The following NAV2 variants were observed in gnomAD, a reference collection of about 807,000 sequenced individuals.
The protein encoded by NAV2 is neuron navigator 2, also known as helicase, APC down-regulated 1.
A neutral mutation model predicts 223.2 loss-of-function variants in NAV2; 54 were observed. That is an observed-to-expected ratio of 0.24 (90% CI 0.19 to 0.30). The LOEUF is 0.30. NAV2 is among the 10% of genes least tolerant of loss of function. NAV2 has a pLI of 1.00. For synonymous variants in NAV2, 1,279 were observed against 1,239.3 expected (o/e 1.03, Z -0.67); for missense variants, 2,806 against 3,147.5 (o/e 0.89, Z 2.60).
chr11:20,046,788 C>T (rs561176971), intron 14 of NAV2, among the ~76,000 whole-genome samples: 1 of 152,210 alleles, frequency 6.6e-6, no homozygotes, highest in Admixed American at 6.5e-5. Context: ...TTTGCCTGTT[C>T]GTATTATCTT....
Position 19,519,240 on chromosome 11 carries a change from A to G in NAV2, c.75+168213A>G, listed in dbSNP as rs190071653. On this transcript the variant is annotated intron_variant, in intron 1 of 37. Transcript: ENST00000360655. ...CACCTGCCTTCTACCACCAAATACC[A>G]ACTGGGCCTCTCAGGGCAGGCTTCC... Among the ~76,000 whole-genome samples the G allele has an allele frequency of 5.9e-3, 895 of 152,284 alleles. 4 individuals are homozygous for G. The highest frequency in any genetic ancestry group is 0.02 in the African/African-American group (842 of 41,552).
chr11:19,392,480 G>T (rs1397203088), intron 1 of NAV2, among the ~76,000 whole-genome samples: 1 of 151,916 alleles, frequency 6.6e-6, no homozygotes, highest in East Asian at 1.9e-4. Context: ...CTTGGTGGTT[G>T]ATGCTGGCAG....
chr11:19,591,412 A>T (rs1330996836), intron 1 of NAV2: 1 of 152,154 alleles, frequency 6.6e-6, no homozygotes, highest in Non-Finnish European at 1.5e-5. Context: ...CCCTTTGTGC[A>T]GTGTGCCATG....
At chr11:19,633,615 G>A (rs1284743460) in intron 1 of NAV2, among the ~76,000 whole-genome samples, 1 of 152,264 alleles carries the variant, frequency 6.6e-6, no homozygotes. Context: ...CGGGCCCAGG[G>A]AAAAGCAGCC....
chr11:19,397,209 A>T (rs2133270366), intron 1 of NAV2, among the ~76,000 whole-genome samples: 1 of 152,296 alleles, frequency 6.6e-6, no homozygotes, highest in Non-Finnish European at 1.5e-5. Flanking sequence ...TGTCAAAAGG[A>T]TTAAACTAGG....
At chr11:19,944,944 C>G (rs1209498684) in intron 8 of NAV2, among the ~76,000 whole-genome samples, 2 of 146,802 alleles carry the variant, frequency 1.4e-5, no homozygotes, top group African/African-American at 5.0e-5. Context: ...TCCCCTTTCC[C>G]CTTTCCTCTT....
At chr11:19,622,329 T>G (rs1276795584) in intron 1 of NAV2, among the ~76,000 whole-genome samples, 2 of 152,190 alleles carry the variant, frequency 1.3e-5, no homozygotes, top group Admixed American at 1.3e-4. Flanking sequence ...TTCTATCTTG[T>G]TGATCTGTCT....
At chr11:19,980,826 G>A (rs1214329777) in intron 10 of NAV2, among the ~76,000 whole-genome samples, 1 of 152,066 alleles carries the variant, frequency 6.6e-6, no homozygotes, top group East Asian at 1.9e-4. Flanking sequence ...TGTAATTGGT[G>A]GATAATAATT....
chr11:19,718,449 C>A (rs1356377113), intron 1 of NAV2, among the ~76,000 whole-genome samples: 1 of 151,854 alleles, frequency 6.6e-6, no homozygotes, highest in Non-Finnish European at 1.5e-5. Context: ...GATTGAACTT[C>A]TCTGTGGGTG....
chr11:19,897,521 T>C (rs1195042949), intron 6 of NAV2, among the ~76,000 whole-genome samples: 1 of 152,170 alleles, frequency 6.6e-6, no homozygotes, highest in African/African-American at 2.4e-5. Flanking sequence ...TTAGTTCTGG[T>C]TACACAGAAC....
At chr11:20,009,048 C>T (rs1449623369) in intron 11 of NAV2, among the ~76,000 whole-genome samples, 2 of 152,138 alleles carry the variant, frequency 1.3e-5, no homozygotes, top group Non-Finnish European at 2.9e-5. Context: ...CCCATCCTCA[C>T]GTGGCTACAC....
At chr11:19,697,723 G>A (rs1219751961) in intron 1 of NAV2, among the ~76,000 whole-genome samples, 4 of 152,142 alleles carry the variant, frequency 2.6e-5, no homozygotes, top group Non-Finnish European at 5.9e-5. Flanking sequence ...CATTTGCTGG[G>A]AGGGGCTTAG....
At chr11:19,504,722 C>A (rs768610966) in intron 1 of NAV2, among the ~76,000 whole-genome samples, 3 of 152,182 alleles carry the variant, frequency 2.0e-5, no homozygotes, top group African/African-American at 7.2e-5. Flanking sequence ...TCTGACCCAA[C>A]AAAATGGGGT....
At chr11:19,928,219 G>A (rs989353694) in intron 6 of NAV2, among the ~76,000 whole-genome samples, 7 of 22,242 alleles carry the variant, frequency 3.1e-4, no homozygotes, top group South Asian at 2.6e-3. Context: ...TTTTTTATTT[G>A]TATTTTCCTT....
chr11:20,109,289 T>C (rs2062432834), intron 36 of NAV2, among the ~76,000 whole-genome samples: 1 of 151,410 alleles, frequency 6.6e-6, no homozygotes, highest in African/African-American at 2.4e-5. Context: ...AAGTGTATTG[T>C]GAAAGCAGGA....
intron 1 of NAV2, among the ~76,000 whole-genome samples, chr11:19,755,372 G>A (rs1318647705): frequency 6.6e-6 from 1 of 152,218 alleles, no homozygotes; most frequent in Non-Finnish European, 1.5e-5. Flanking sequence ...CATGGACTGT[G>A]AGGAAGGTGA....
chr11:19,651,443 G>A (rs945728975), intron 1 of NAV2, among the ~76,000 whole-genome samples: 7 of 152,214 alleles, frequency 4.6e-5, no homozygotes, highest in Non-Finnish European at 5.9e-5. Flanking sequence ...TGCCATGTCT[G>A]TAAGACGTGC....
chr11:19,915,091 C>T (rs112149395), intron 6 of NAV2, among the ~76,000 whole-genome samples: 3 of 152,284 alleles, frequency 2.0e-5, no homozygotes, highest in African/African-American at 4.8e-5. Flanking sequence ...AGTAGCCTGT[C>T]CAAGGTTAGT....
At chr11:19,564,482 C>T (rs561789936) in intron 1 of NAV2, among the ~76,000 whole-genome samples, 1 of 152,350 alleles carries the variant, frequency 6.6e-6, no homozygotes, top group South Asian at 2.1e-4. Flanking sequence ...CTCTGGCAGG[C>T]CCTCGGCAGA....
Sources: allele counts gnomAD v4.1 joint callset (sites outside exome capture counted in the v4.1 genomes callset), GRCh38; gene constraint gnomAD v4.1.1; transcripts MANE v1.5; gene names NCBI Gene and HGNC (gene_info 2026-07-23, HGNC 2026-07-21).